CREBRF: variants seen among roughly 807,000 people sequenced by gnomAD.
CREBRF encodes the protein UPF0474 protein C5orf41.
Under a neutral mutation model 66.1 loss-of-function variants are expected in CREBRF, and 5 were observed. The ratio of observed to expected loss-of-function variants is 0.08; its 90% CI spans 0.04 to 0.16. The LOEUF (loss-of-function observed/expected upper bound fraction) is 0.16. CREBRF is among the 10% of genes least tolerant of loss of function. CREBRF has a pLI of 1.00. For missense variants in CREBRF, 531 were observed against 744.9 expected, an observed-to-expected ratio of 0.71 and a Z score of 3.34; for synonymous variants, 229 against 264.4, an observed-to-expected ratio of 0.87 and a Z score of 1.30.
intron 1 of CREBRF, among the ~76,000 whole-genome samples, chr5:173,074,335 T>C (rs1372778293): frequency 2.7e-5 from 4 of 150,884 alleles, no homozygotes; most frequent in Non-Finnish European, 5.9e-5. Context: ...TCCTTATTGG[T>C]TCCCAAAGAG....
chr5:173,107,040 G>C (rs1313689244), intron 4 of CREBRF, among the ~76,000 whole-genome samples: 4 of 152,070 alleles, frequency 2.6e-5, no homozygotes, highest in Non-Finnish European at 4.4e-5. Flanking sequence ...ATGAGCCACC[G>C]CACCCGGCCC....
intron 1 of CREBRF, among the ~76,000 whole-genome samples, chr5:173,076,221 A>G (rs913728542): frequency 2.6e-5 from 4 of 152,134 alleles, no homozygotes; most frequent in Admixed American, 6.6e-5. Context: ...GAGGAAGTTG[A>G]GCTGAATTCA....
At chr5:173,124,087 G>T (rs1581047262) in intron 8 of CREBRF, 1 of 152,144 alleles carries the variant, frequency 6.6e-6, no homozygotes, top group Admixed American at 6.5e-5. Flanking sequence ...ACAAGAAAAA[G>T]TTATTTTTAC....
chr5:173,118,304 A>G (rs1759057706), intron 7 of CREBRF, among the ~76,000 whole-genome samples: 3 of 152,150 alleles, frequency 2.0e-5, no homozygotes, highest in South Asian at 2.1e-4. Context: ...ATGAGCCACC[A>G]TGCCTGGCCC....
intron 8 of CREBRF, among the ~76,000 whole-genome samples, chr5:173,125,329 C>A (rs1331734940): frequency 1.3e-5 from 2 of 152,182 alleles, no homozygotes; most frequent in East Asian, 3.9e-4. Context: ...TAATTATTTT[C>A]TGAATTCTGT....
intron 4 of CREBRF, among the ~76,000 whole-genome samples, chr5:173,101,982 C>T (rs1758640113): frequency 6.6e-6 from 1 of 152,084 alleles, no homozygotes; most frequent in African/African-American, 2.4e-5. Flanking sequence ...CTTTTTCATT[C>T]CTTTTTCTTT....
intron 7 of CREBRF, among the ~76,000 whole-genome samples, chr5:173,113,997 A>G (rs1758928454): frequency 6.6e-6 from 1 of 152,244 alleles, no homozygotes; most frequent in African/African-American, 2.4e-5. Flanking sequence ...AAACAGTGTG[A>G]ACAATGACCA....
intron 4 of CREBRF, among the ~76,000 whole-genome samples, chr5:173,106,366 C>T (rs529496303): frequency 1.3e-5 from 2 of 151,482 alleles, no homozygotes; most frequent in South Asian, 4.2e-4. Context: ...GGAGGCGGAG[C>T]TTGCAGTGAG....
chr5:173,105,847 T>G (rs2113765337), intron 4 of CREBRF, among the ~76,000 whole-genome samples: 1 of 146,228 alleles, frequency 6.8e-6, no homozygotes, highest in East Asian at 2.1e-4. Context: ...CTCAATCTCC[T>G]GACCTCCTGA....
intron 1 of CREBRF, among the ~76,000 whole-genome samples, chr5:173,080,239 C>G (rs1021909518): frequency 2.0e-5 from 3 of 151,252 alleles, no homozygotes; most frequent in African/African-American, 7.3e-5. Context: ...TATGTTTTCT[C>G]ATAAAGAACA....
chr5:173,068,057 G>T, intron 1 of CREBRF: 1 of 426,788 alleles, frequency 2.3e-6, no homozygotes, highest in Non-Finnish European at 4.6e-6. Flanking sequence ...TATCCTCCCA[G>T]TAGAGTGCAC....
rs1757915446 is a variant in CREBRF, at chr5:173,080,702, T to G, written c.-74T>G. 6.7e-7 allele frequency: 1 copy of G among 1,482,942 alleles called. No homozygotes were observed. Among genetic ancestry groups the G allele is most frequent in the Non-Finnish European group, 9.4e-7 (1 of 1,065,684 alleles). 91.9% of individuals were successfully genotyped at this position (1,482,942 alleles called of 1,614,324 possible). A position where few individuals can be genotyped will look rare whatever the true frequency, so the allele number is the denominator to read the frequency against. On this transcript the variant is annotated 5_prime_UTR_variant, in exon 2 of 9. Transcript: ENST00000296953. ...TCATCTTCGATCTTGGAATTGAAAG[T>G]AAAGCTGGAAAGGAATTTACAAACA...
chr5:173,125,429 A>G (rs1759247158), intron 8 of CREBRF, among the ~76,000 whole-genome samples: 2 of 151,946 alleles, frequency 1.3e-5, no homozygotes, highest in Non-Finnish European at 2.9e-5. Context: ...CTTTTTTCTT[A>G]GAAAAAGTTG....
At chr5:173,116,515 G>A (rs1758994132) in intron 7 of CREBRF, among the ~76,000 whole-genome samples, 1 of 152,108 alleles carries the variant, frequency 6.6e-6, no homozygotes, top group East Asian at 1.9e-4. Context: ...CTTTCACTCA[G>A]CATAATTATT....
intron 2 of CREBRF, among the ~76,000 whole-genome samples, chr5:173,084,302 A>G (rs1196926502): frequency 1.5e-4 from 23 of 152,142 alleles, no homozygotes; most frequent in African/African-American, 5.1e-4. Context: ...ACTCCCCTCA[A>G]AAAAAGAGGA....
At chr5:173,117,651 T>TC (rs1261477588) in intron 7 of CREBRF, among the ~76,000 whole-genome samples, 48 of 112,952 alleles carry the variant, frequency 4.2e-4, no homozygotes, top group Non-Finnish European at 7.4e-4. Context: ...CTCTCCTCTC[T>TC]CTCTCTCTCT....
At chr5:173,080,838 A>G in intron 2 of CREBRF, 54 bp downstream of exon 2, 1 of 1,554,622 alleles carries the variant, frequency 6.4e-7, no homozygotes. Flanking sequence ...ACAGAAAGTC[A>G]ATACCTTTGA....
intron 8 of CREBRF, chr5:173,123,883 C>T (rs1408312059): frequency 6.6e-6 from 1 of 152,194 alleles, no homozygotes; most frequent in Non-Finnish European, 1.5e-5. Context: ...CCCTAATCGC[C>T]AGTATTTTCC....
intron 4 of CREBRF, among the ~76,000 whole-genome samples, chr5:173,099,127 TTTTCA>T (rs1458294431): frequency 6.6e-6 from 1 of 152,190 alleles, no homozygotes; most frequent in Non-Finnish European, 1.5e-5. Context: ...GGAATATCTC[TTTTCA>T]TTTCTTCACT....
Sources: gnomAD v4.1 joint callset for allele counts (sites outside exome capture counted in the v4.1 genomes callset) on GRCh38, gnomAD v4.1.1 for gene constraint, MANE v1.5 for transcripts, NCBI Gene and HGNC (gene_info 2026-07-23, HGNC 2026-07-21) for gene names.